The following CASZ1 variants were observed in gnomAD, a reference collection of about 807,000 sequenced individuals.
CASZ1 encodes the protein zinc finger protein castor homolog 1.
A neutral mutation model predicts 135.2 loss-of-function variants in CASZ1; 28 were observed. That is an observed-to-expected ratio of 0.21 (90% CI 0.15 to 0.28). The LOEUF (loss-of-function observed/expected upper bound fraction) is 0.28. Ranked by LOEUF, CASZ1 falls within the 10% of genes least tolerant of loss-of-function variation. The pLI is 1.00. For synonymous variants in CASZ1, 1,068 were observed against 1,073.4 expected (o/e 0.99, Z 0.10); for missense variants, 2,161 against 2,453.3 (o/e 0.88, Z 2.52).
At chr1:10,693,535 A>T (rs1409090388) in intron 4 of CASZ1, among the ~76,000 whole-genome samples, 1 of 106,086 alleles carries the variant, frequency 9.4e-6, no homozygotes, top group African/African-American at 4.9e-5. Context: ...GCACACACAC[A>T]GAAAAAAAAC....
rs1354289402 is a variant in CASZ1, at chr1:10,694,838, G to A, written c.-23-926C>T. Among the ~76,000 whole-genome samples the A allele has an allele frequency of 6.9e-6, 1 of 144,934 alleles. No individual in the cohort carries two copies. The highest frequency in any genetic ancestry group is 1.5e-5 in the Non-Finnish European group (1 of 65,332). On this transcript the variant is annotated intron_variant, in intron 3 of 20. Coordinates refer to ENST00000377022, the MANE Select transcript of CASZ1 (RefSeq NM_001079843.3). This position sits in a 1 kb window ranked among gnomAD's most constrained non-coding sequence, Gnocchi z 6.6. ...GGGAGGGGACCCGGCGCGGGGCGGGGAACGCGGCCCGAGTAAGGCGCCCGC... is the reference window on the plus strand; with the variant it reads ...GGGAGGGGACCCGGCGCGGGGCGGGAAACGCGGCCCGAGTAAGGCGCCCGC...
At chr1:10,649,979 C>CG (rs1444854949) in intron 13 of CASZ1, 6 of 115,742 alleles carry the variant, frequency 5.2e-5, no homozygotes, top group Non-Finnish European at 1.1e-4. Context: ...GTCGTGGGGG[C>CG]GGAGGCCAAA....
At chr1:10,661,827 ACAAT>A (rs537561803) in intron 5 of CASZ1, among the ~76,000 whole-genome samples, 209 of 152,094 alleles carry the variant, frequency 1.4e-3, no homozygotes, top group Non-Finnish European at 2.1e-3. Context: ...TCACATGTAC[ACAAT>A]CACATACAAC....
At chr1:10,659,269 G>T (rs541129150) in intron 6 of CASZ1, among the ~76,000 whole-genome samples, 2 of 152,234 alleles carry the variant, frequency 1.3e-5, no homozygotes, top group Non-Finnish European at 2.9e-5. Flanking sequence ...CCACAGGCCT[G>T]CATTCAGCAC....
Position 10,711,655 on chromosome 1 carries a change from A to G in CASZ1, c.-76-6111T>C, listed in dbSNP as rs1639288436. Among the ~76,000 whole-genome samples, 2 of 152,192 alleles carry G rather than the reference A, an allele frequency of 1.3e-5. No individual in the cohort carries two copies. Among genetic ancestry groups the G allele is most frequent in the Non-Finnish European group, 2.9e-5 (2 of 68,040 alleles). On this transcript the variant is annotated intron_variant, in intron 2 of 20. Coordinates refer to ENST00000377022, the MANE Select transcript of CASZ1 (RefSeq NM_001079843.3). This position sits in a 1 kb window ranked among gnomAD's most constrained non-coding sequence, Gnocchi z 4.4. Reference sequence around the variant, plus strand: ...TGTTCATAGCAGCACTATTCACAGTAGTCAGATGGTAGATACAATTCAAGT... The same window carrying G: ...TGTTCATAGCAGCACTATTCACAGTGGTCAGATGGTAGATACAATTCAAGT...
At chr1:10,746,323 C>T (rs1640039584) in intron 2 of CASZ1, among the ~76,000 whole-genome samples, 2 of 152,230 alleles carry the variant, frequency 1.3e-5, no homozygotes, top group African/African-American at 4.8e-5. Context: ...AAAGAAAAAT[C>T]CTACCCCTGT....
rs147328314 is a variant in CASZ1 at position 10,759,338 on chromosome 1, G to A, written c.-77+1363C>T. ...AACGCCAAGCCCAGAAGACTTCAGCGCCACGAAACTCCCCCCACGGCCTTT... is the reference window on the plus strand; with the variant it reads ...AACGCCAAGCCCAGAAGACTTCAGCACCACGAAACTCCCCCCACGGCCTTT... On this transcript the variant is annotated intron_variant, in intron 2 of 20. Transcript: ENST00000377022. The surrounding 1 kb of genome is among the most constrained non-coding windows in gnomAD (Gnocchi z 4.2). 3.9e-5 allele frequency among the ~76,000 whole-genome samples: 6 copies of A among 152,186 alleles called. No individual in the cohort carries two copies. In the East Asian group the frequency reaches 5.8e-4, roughly 15 times the overall value.
chr1:10,654,023 G>A lies in CASZ1; in HGVS notation c.2034C>T (p.Thr678=), dbSNP rs771337029. The change falls in exon 11 of 21, where the codon ACC becomes ACT. Residue 678 remains threonine, a synonymous_variant. Coordinates refer to ENST00000377022, the MANE Select transcript of CASZ1 (RefSeq NM_001079843.3). ...FHCIRAGCGF[T]FTSTSQMTSH... is the part of the protein sequence containing the mutation. ...AGGTCATCTGGCTGGTGGAGGTGAAGGTGAAGCCGCAGCCGGCGCGGATGC... is the reference window on the plus strand; with the variant it reads ...AGGTCATCTGGCTGGTGGAGGTGAAAGTGAAGCCGCAGCCGGCGCGGATGC... 1.2e-6 allele frequency: 2 copies of A among 1,614,238 alleles called. No individual in the cohort carries two copies. Among genetic ancestry groups the A allele is most frequent in the Non-Finnish European group, 1.7e-6 (2 of 1,180,036 alleles).
At chr1:10,650,159 T>A (rs1362762586) in intron 13 of CASZ1, 1 of 152,224 alleles carries the variant, frequency 6.6e-6, no homozygotes, top group Non-Finnish European at 1.5e-5. Context: ...ACCGAATTAA[T>A]CTTGCTGTAG....
intron 5 of CASZ1, among the ~76,000 whole-genome samples, chr1:10,664,552 G>A (rs554990151): frequency 1.3e-5 from 2 of 152,238 alleles, no homozygotes; most frequent in South Asian, 2.1e-4. Context: ...CAGGGACAGC[G>A]GTGTAGGGAA....
rs745698613 is a variant in CASZ1, at chr1:10,660,363, C to T, written c.679G>A (p.Glu227Lys). Reference sequence around the variant, plus strand: ...CGCGCCCGCTTGCTGAGGGTATCCTCGGAGGTGGGCAGCATGGAGGAGGTG... The same window carrying T: ...CGCGCCCGCTTGCTGAGGGTATCCTTGGAGGTGGGCAGCATGGAGGAGGTG... ...AATSSMLPTSEDTLSKRARFS... is the reference protein window; with the variant it reads ...AATSSMLPTSKDTLSKRARFS... Residue 227 changes from glutamate (E) to lysine (K), a missense_variant, in exon 6 of 21, where the codon GAG becomes AAG. Physicochemically the swap from Glu to Lys is moderately conservative, Grantham distance 56 (BLOSUM62 1). Coordinates refer to ENST00000377022, the MANE Select transcript of CASZ1 (RefSeq NM_001079843.3). The T allele has an allele frequency of 3.1e-6, 5 of 1,614,020 alleles. No homozygotes were observed. The highest frequency in any genetic ancestry group is 2.7e-5 in the African/African-American group (2 of 74,944).
At chr1:10,782,969 C>G (rs935404765) in intron 1 of CASZ1, among the ~76,000 whole-genome samples, 3 of 152,196 alleles carry the variant, frequency 2.0e-5, no homozygotes, top group Admixed American at 1.3e-4. Flanking sequence ...CTGCCAAATT[C>G]TCATTTACTG....
Position 10,725,048 on chromosome 1 carries a change from G to A in CASZ1, c.-76-19504C>T, listed in dbSNP as rs76140963. Among the ~76,000 whole-genome samples the A allele has an allele frequency of 0.022, 3,297 of 152,348 alleles. 128 individuals are homozygous for A. The highest frequency in any genetic ancestry group is 0.075 in the African/African-American group (3,100 of 41,564). The stretch of plus-strand genomic sequence containing the variant: ...GCCGGGAGGGAGCCCACAGAGGACG[G>A]AGGGAAGCAGCCCTCGCAGACGTGC... On this transcript the variant is annotated intron_variant, in intron 2 of 20. Transcript: ENST00000377022. The surrounding 1 kb of genome is among the most constrained non-coding windows in gnomAD (Gnocchi z 4.4).
chr1:10,736,647 C>T (rs546600245), intron 2 of CASZ1, among the ~76,000 whole-genome samples: 1 of 152,358 alleles, frequency 6.6e-6, no homozygotes, highest in African/African-American at 2.4e-5. Context: ...ACTCTGAGTT[C>T]TCATTCATCA....
chr1:10,764,665 C>G (rs1640440547), intron 1 of CASZ1, among the ~76,000 whole-genome samples: 1 of 152,160 alleles, frequency 6.6e-6, no homozygotes, highest in Non-Finnish European at 1.5e-5. Flanking sequence ...CATCCTGCTC[C>G]CCTCCCTGTG....
At chr1:10,775,675 C>A (rs998138218) in intron 1 of CASZ1, among the ~76,000 whole-genome samples, 4 of 152,032 alleles carry the variant, frequency 2.6e-5, no homozygotes, top group African/African-American at 7.3e-5. Flanking sequence ...GGTCTACCTG[C>A]CCTCTCTAGG....
At chr1:10,766,833 G>A (rs1208319563) in intron 1 of CASZ1, among the ~76,000 whole-genome samples, 1 of 152,166 alleles carries the variant, frequency 6.6e-6, no homozygotes, top group Non-Finnish European at 1.5e-5. Context: ...CTCTCAACTG[G>A]CGAGTGGAGG....
At position 10,764,552 on chromosome 1, in the gene CASZ1, C is replaced by G. The variant is rs184453087; in HGVS notation, c.-233-3695G>C. Among the ~76,000 whole-genome samples the G allele has an allele frequency of 3.9e-5, 6 of 152,308 alleles. No individual in the cohort carries two copies. In the East Asian group the frequency reaches 1.2e-3, roughly 29 times the overall value. ...GTCCCCATGGATAGATTAGGGAGGG[C>G]GGGCATGGAGACACGAAGTGACTTG... On this transcript the variant is annotated intron_variant, in intron 1 of 20. Transcript: ENST00000377022.
At chr1:10,722,761 C>T (rs1402053788) in intron 2 of CASZ1, among the ~76,000 whole-genome samples, 1 of 152,264 alleles carries the variant, frequency 6.6e-6, no homozygotes, top group East Asian at 1.9e-4. Context: ...ACATCCCTGT[C>T]TCCTGCCCCA....
Sources: allele counts gnomAD v4.1 joint callset (sites outside exome capture counted in the v4.1 genomes callset), GRCh38; gene constraint gnomAD v4.1.1; non-coding constraint Gnocchi (gnomAD v3.1); transcripts MANE v1.5; gene names NCBI Gene and HGNC (gene_info 2026-07-23, HGNC 2026-07-21).